TDP1: variants seen among roughly 807,000 people sequenced by gnomAD.
The protein encoded by TDP1 is tyr-DNA phosphodiesterase 1.
Under a neutral mutation model 81.5 loss-of-function variants are expected in TDP1, and 64 were observed. That is an observed-to-expected ratio of 0.79 (90% CI 0.64 to 0.97). TDP1 has a LOEUF of 0.97. Ranked by LOEUF, TDP1 falls within the 50% of genes least tolerant of loss-of-function variation. TDP1 has a pLI of 0.00. For synonymous variants in TDP1, 256 were observed against 264.3 expected (o/e 0.97, Z 0.30); for missense variants, 723 against 743.8 (o/e 0.97, Z 0.33).
In TDP1 at chr14:89,963,540, A is replaced by AG; in HGVS notation, c.427dup (p.Asp143GlyfsTer4). ...CCTGCCACAGGCTCAAAGAGGAGGA[A>AG]GACGAGTATGAGACATCAGGGGAGG... On this transcript the variant is annotated frameshift_variant, in exon 3 of 17. Coordinates refer to ENST00000335725, the MANE Select transcript of TDP1 (RefSeq NM_018319.4). LOFTEE classifies it high-confidence loss of function. 6.2e-7 allele frequency: 1 copy of AG among 1,608,386 alleles called. No individual in the cohort carries two copies. The highest frequency in any genetic ancestry group is 8.5e-7 in the Non-Finnish European group (1 of 1,176,902).
chr14:89,980,474 ATTGG>A (rs1362043856), intron 7 of TDP1, 62 bp from the exon 8 acceptor site: 110 of 1,509,302 alleles, frequency 7.3e-5, no homozygotes, highest in Non-Finnish European at 9.9e-5. Context: ...TTACATTTGC[ATTGG>A]AAAGGTATTA....
At chr14:90,025,519 T>G (rs1886549490) in intron 15 of TDP1, among the ~76,000 whole-genome samples, 1 of 152,252 alleles carries the variant, frequency 6.6e-6, no homozygotes, top group Non-Finnish European at 1.5e-5. Flanking sequence ...GAGAGTCATG[T>G]CAAGGTACAT....
At chr14:89,976,554 T>TTTTTTTTG (rs1566862561) in intron 7 of TDP1, among the ~76,000 whole-genome samples, 1 of 141,746 alleles carries the variant, frequency 7.1e-6, no homozygotes, top group African/African-American at 2.7e-5. Flanking sequence ...TTTTTTTTTT[T>TTTTTTTTG]TAGACAGAGT....
intron 8 of TDP1, among the ~76,000 whole-genome samples, chr14:89,983,871 G>T (rs913666073): frequency 7.2e-5 from 11 of 152,204 alleles, no homozygotes; most frequent in Non-Finnish European, 1.5e-5. Flanking sequence ...TGCTTCTTCA[G>T]TGAATTAAGT....
At chr14:89,981,163 A>G (rs1378267166) in intron 8 of TDP1, among the ~76,000 whole-genome samples, 1 of 152,222 alleles carries the variant, frequency 6.6e-6, no homozygotes, top group East Asian at 1.9e-4. Flanking sequence ...ATAGTGTGCT[A>G]AATATTTCCC....
At chr14:89,967,528 T>C in intron 5 of TDP1, 106 bp downstream of exon 5, 1 of 906,118 alleles carries the variant, frequency 1.1e-6, no homozygotes, top group Non-Finnish European at 1.9e-6. Flanking sequence ...AGTTTTTCTT[T>C]TGAAACTGTT....
upstream of TDP1, chr14:89,955,819 C>CGGGCTTTAGGACCCAGTGGT (rs1555380110): frequency 6.6e-6 from 1 of 152,276 alleles, no homozygotes; most frequent in African/African-American, 2.4e-5. Context: ...AAACACCCGG[C>CGGGCTTTAGGACCCAGTGGT]GGGCTTTAGG....
At chr14:89,975,649 G>A in intron 6 of TDP1, 132 bp from the exon 7 acceptor site, 1 of 978,864 alleles carries the variant, frequency 1.0e-6, no homozygotes, top group Non-Finnish European at 1.6e-6. Flanking sequence ...GTTATTCAAG[G>A]GCTTGCCTGG....
At chr14:89,966,644 A>T (rs1255057392) in intron 4 of TDP1, among the ~76,000 whole-genome samples, 2 of 152,222 alleles carry the variant, frequency 1.3e-5, no homozygotes, top group African/African-American at 4.8e-5. Context: ...GTCTTGATAA[A>T]TCATGTAATG....
chr14:89,975,685 A>G, intron 6 of TDP1, 96 bp from the exon 7 acceptor site: 1 of 1,252,108 alleles, frequency 8.0e-7, no homozygotes, highest in Non-Finnish European at 1.2e-6. Flanking sequence ...ATAGTTTTAA[A>G]AAAAAAAGTT....
In TDP1 at chr14:90,006,754, G is replaced by C. The variant is rs537637369; in HGVS notation, c.1542-12562G>C. On this transcript the variant is annotated intron_variant, in intron 14 of 16. Coordinates refer to ENST00000335725, the MANE Select transcript of TDP1 (RefSeq NM_018319.4). ...GGGTTTCACCATGTTGGCCAGGCTGGTCTCGAACTCCTGACCTCAGGTGAT... is the reference window on the plus strand; with the variant it reads ...GGGTTTCACCATGTTGGCCAGGCTGCTCTCGAACTCCTGACCTCAGGTGAT... Among the ~76,000 whole-genome samples the C allele has an allele frequency of 3.9e-5, 6 of 152,234 alleles. No individual in the cohort carries two copies. The South Asian group carries it at 6.2e-4, about 16-fold the overall frequency.
At chr14:89,998,375 TATATATATA>T (rs1896834203) in intron 14 of TDP1, among the ~76,000 whole-genome samples, 5 of 4,150 alleles carry the variant, frequency 1.2e-3, no homozygotes, top group Non-Finnish European at 1.4e-3. Flanking sequence ...AAGCACATTA[TATATATATA>T]TATATATATA....
intron 14 of TDP1, among the ~76,000 whole-genome samples, chr14:90,003,370 C>T (rs1485093717): frequency 2.0e-5 from 3 of 152,154 alleles, no homozygotes; most frequent in South Asian, 2.1e-4. Flanking sequence ...TATTAGCTGG[C>T]GATTTCCTCT....
At chr14:90,019,002 A>G (rs1885647123) in intron 14 of TDP1, 2 of 984,390 alleles carry the variant, frequency 2.0e-6, no homozygotes, top group South Asian at 9.4e-5. Flanking sequence ...TGGCTACTCC[A>G]GGATCGTGAA....
At chr14:90,034,619 A>G (rs1185802830) in intron 16 of TDP1, among the ~76,000 whole-genome samples, 1 of 152,236 alleles carries the variant, frequency 6.6e-6, no homozygotes, top group East Asian at 1.9e-4. Flanking sequence ...GATGAGATAT[A>G]TAATCAAGAC....
chr14:90,030,817 G>C (rs1729163591), intron 15 of TDP1, among the ~76,000 whole-genome samples: 3 of 151,632 alleles, frequency 2.0e-5, no homozygotes, highest in Admixed American at 2.0e-4. Flanking sequence ...CTAGCCTGGA[G>C]TGCAGTGGCG....
intron 16 of TDP1, among the ~76,000 whole-genome samples, chr14:90,035,331 G>A (rs1007647315): frequency 1.3e-5 from 2 of 152,088 alleles, no homozygotes; most frequent in Admixed American, 6.6e-5. Flanking sequence ...CTAAAGTGTG[G>A]AAATCCCCTA....
At position 90,033,109 on chromosome 14, in the gene TDP1, C is replaced by G; in HGVS notation, c.1648C>G (p.Leu550Val). Residue 550 changes from leucine to valine, a missense_variant, in exon 16 of 17, where the codon CTA (leucine) becomes GTA (valine). Leu to Val is a conservative substitution (Grantham distance 32). Transcript: ENST00000335725. ...GATTTCCTCTGTGTGTCTGCAGGGT[C>G]TAGACAGTTTCAAAGTGAAACAGAA... Reference protein sequence around the residue: ...GVLFLPSAFGLDSFKVKQKFF... With the variant: ...GVLFLPSAFGVDSFKVKQKFF... The G allele has an allele frequency of 5.0e-6, 8 of 1,601,430 alleles. No homozygotes were observed. The highest frequency in any genetic ancestry group is 6.8e-6 in the Non-Finnish European group (8 of 1,168,854).
intron 14 of TDP1, among the ~76,000 whole-genome samples, chr14:90,007,865 G>T (rs1484315914): frequency 6.6e-6 from 1 of 152,044 alleles, no homozygotes; most frequent in Admixed American, 6.6e-5. Context: ...CCAAAATACT[G>T]GGATTACAGG....
Sources: allele counts gnomAD v4.1 joint callset (sites outside exome capture counted in the v4.1 genomes callset), GRCh38; gene constraint gnomAD v4.1.1; transcripts MANE v1.5; gene names NCBI Gene and HGNC (gene_info 2026-07-23, HGNC 2026-07-21).